The following USP33 variants were observed in gnomAD, a reference collection of about 807,000 sequenced individuals.
USP33 encodes the protein ubiquitin specific peptidase 33, also known as ubiquitin carboxyl-terminal hydrolase 33.
USP33 carries 46 observed loss-of-function variants against 124.2 expected under a neutral mutation model. The observed-to-expected ratio is 0.37, with a 90% CI of 0.29 to 0.47. The LOEUF (loss-of-function observed/expected upper bound fraction) is 0.47. Among genes scored for constraint, USP33 ranks in the 20% least tolerant of loss-of-function variants. The probability of loss-of-function intolerance (pLI) is 0.99; values close to 1 mark genes in which losing one functional copy is unlikely to be tolerated. For missense variants in USP33, 851 were observed against 1,070.6 expected (o/e 0.79, Z 2.86); for synonymous variants, 350 against 352.3 (o/e 0.99, Z 0.07).
chr1:77,738,070 A>T (rs2101534360), intron 5 of USP33, among the ~76,000 whole-genome samples: 1 of 152,374 alleles, frequency 6.6e-6, no homozygotes, highest in South Asian at 2.1e-4. Context: ...GAGAAACAGT[A>T]ATGGTTATAA....
chr1:77,707,105 G>A (rs1674717067), intron 21 of USP33, among the ~76,000 whole-genome samples: 1 of 152,162 alleles, frequency 6.6e-6, no homozygotes, highest in Admixed American at 6.5e-5. Context: ...CTACATAGTA[G>A]GAACAAAGAG....
intron 20 of USP33, among the ~76,000 whole-genome samples, chr1:77,712,352 C>T (rs898676797): frequency 2.0e-5 from 3 of 152,208 alleles, no homozygotes; most frequent in Non-Finnish European, 2.9e-5. Flanking sequence ...GGTGAAACCC[C>T]GTCTCTATTA....
At chr1:77,729,490 A>T (rs545679064) in intron 9 of USP33, among the ~76,000 whole-genome samples, 54 of 151,990 alleles carry the variant, frequency 3.6e-4, no homozygotes, top group African/African-American at 1.3e-3. Flanking sequence ...GGCCAACATG[A>T]CGAAACCCTA....
At chr1:77,702,922 AAGTAGTGTGT>A (rs938421984) in intron 21 of USP33, among the ~76,000 whole-genome samples, 2 of 151,108 alleles carry the variant, frequency 1.3e-5, no homozygotes, top group African/African-American at 4.9e-5. Context: ...AGTAGTGTGT[AAGTAGTGTGT>A]AGTAGTGTGT....
chr1:77,744,403 G>A (rs920775279), intron 1 of USP33, among the ~76,000 whole-genome samples: 10 of 152,144 alleles, frequency 6.6e-5, no homozygotes, highest in Non-Finnish European at 1.3e-4. Context: ...CAGAACATCA[G>A]TGATATAGGG....
At chr1:77,715,710 T>C (rs1245644402) in intron 18 of USP33, 32 bp downstream of exon 18, 2 of 1,603,336 alleles carry the variant, frequency 1.2e-6, no homozygotes, top group Admixed American at 1.7e-5. Context: ...ATGTGAGAGA[T>C]GTCCTTTCGC....
chr1:77,755,940 T>A (rs1462593214), intron 1 of USP33, among the ~76,000 whole-genome samples: 1 of 152,210 alleles, frequency 6.6e-6, no homozygotes, highest in Admixed American at 6.5e-5. Flanking sequence ...GCTTTCCTTT[T>A]GAATGACTGG....
At chr1:77,736,411 G>A (rs1481186691) in intron 5 of USP33, among the ~76,000 whole-genome samples, 2 of 152,024 alleles carry the variant, frequency 1.3e-5, no homozygotes, top group Non-Finnish European at 2.9e-5. Context: ...TTTTACAACC[G>A]AATTTTCTGA....
In USP33 at chr1:77,717,991, G is replaced by A. The variant is rs1054628407; in HGVS notation, c.1794C>T (p.Ile598=). 1 of 1,613,718 alleles carries A rather than the reference G, an allele frequency of 6.2e-7. No individual in the cohort carries two copies. The highest frequency in any genetic ancestry group is 1.3e-5 in the African/African-American group (1 of 75,030). The change falls in exon 17 of 24, where the codon ATC becomes ATT. Residue 598 remains isoleucine (I), a synonymous_variant. Transcript: ENST00000370794. ...CTAGCGGAAATGAAACATGGGTACTGATTTTGGTGGAAAACATTAGTTCAT... is the reference window on the plus strand; with the variant it reads ...CTAGCGGAAATGAAACATGGGTACTAATTTTGGTGGAAAACATTAGTTCAT... ...FRHELMFSTK[I]STHVSFPLEG... is the part of the protein sequence containing the mutation.
intron 7 of USP33, among the ~76,000 whole-genome samples, chr1:77,732,301 A>T (rs1677914885): frequency 1.3e-5 from 2 of 151,980 alleles, no homozygotes; most frequent in Non-Finnish European, 2.9e-5. Context: ...TACTCTACCC[A>T]CATCCTATCA....
chr1:77,705,117 T>TA (rs1432573442), intron 21 of USP33, among the ~76,000 whole-genome samples: 84 of 91,430 alleles, frequency 9.2e-4, no homozygotes, highest in Middle Eastern at 6.9e-3. Flanking sequence ...ATGCTTTGTT[T>TA]AAAAAAAAAA....
chr1:77,714,660 G>A lies in USP33; in HGVS notation c.2169C>T (p.Ala723=), dbSNP rs749847217. Reference sequence around the variant, plus strand: ...CATTATTTGAAATAGGGCCAGGTTCGGCAAAGGTCTTAAATTTATTAAGCC... The same window carrying A: ...CATTATTTGAAATAGGGCCAGGTTCAGCAAAGGTCTTAAATTTATTAAGCC... ...RQWLNKFKTF[A]EPGPISNNDF... Residue 723 remains alanine, a synonymous_variant, in exon 19 of 24, where the codon GCC becomes GCT. Transcript: ENST00000370794. 15 of 1,613,202 alleles carry A rather than the reference G, an allele frequency of 9.3e-6. No individual in the cohort carries two copies. Among genetic ancestry groups the A allele is most frequent in the South Asian group, 2.2e-5 (2 of 91,036 alleles).
At chr1:77,709,296 G>T (rs1674968269) in intron 21 of USP33, among the ~76,000 whole-genome samples, 2 of 152,038 alleles carry the variant, frequency 1.3e-5, no homozygotes, top group Non-Finnish European at 2.9e-5. Flanking sequence ...ATCACTTGAG[G>T]CCAGGAATTA....
intron 2 of USP33, 64 bp from the exon 3 acceptor site, chr1:77,741,493 T>G: frequency 6.4e-7 from 1 of 1,551,246 alleles, no homozygotes; most frequent in South Asian, 1.2e-5. Context: ...AATTCACTAA[T>G]GCACTAATGA....
At chr1:77,718,820 T>A (rs1230862461) in intron 15 of USP33, 179 bp from the exon 16 acceptor site, 15 of 512,586 alleles carry the variant, frequency 2.9e-5, no homozygotes, top group Non-Finnish European at 5.3e-5. Flanking sequence ...TCCCAGATAC[T>A]CAGGAGGCTG....
intron 1 of USP33, among the ~76,000 whole-genome samples, chr1:77,755,076 T>C (rs1319614032): frequency 2.0e-5 from 3 of 151,888 alleles, no homozygotes; most frequent in African/African-American, 7.3e-5. Flanking sequence ...TCTAACAGAG[T>C]CTCAAATAAG....
intron 1 of USP33, among the ~76,000 whole-genome samples, chr1:77,743,775 T>C (rs911721383): frequency 3.9e-5 from 6 of 152,200 alleles, no homozygotes; most frequent in African/African-American, 1.2e-4. Flanking sequence ...CAGAATGGCA[T>C]TGCCTCAATA....
intron 21 of USP33, among the ~76,000 whole-genome samples, chr1:77,708,888 G>A (rs762920244): frequency 9.9e-5 from 15 of 151,654 alleles, no homozygotes; most frequent in Non-Finnish European, 1.8e-4. Flanking sequence ...GTCTCGCTAT[G>A]TTGTCCAGGC....
At chr1:77,730,776 T>C (rs756107498) in intron 7 of USP33, 45 bp from the exon 8 acceptor site, 21 of 1,305,834 alleles carry the variant, frequency 1.6e-5, no homozygotes, top group South Asian at 4.6e-5. Flanking sequence ...TCAAAGCTAA[T>C]ACTGATTATT....
Sources: gnomAD v4.1 joint callset for allele counts (sites outside exome capture counted in the v4.1 genomes callset) on GRCh38, gnomAD v4.1.1 for gene constraint, MANE v1.5 for transcripts, NCBI Gene and HGNC (gene_info 2026-07-23, HGNC 2026-07-21) for gene names.